The following SLC24A3 variants were observed in gnomAD, a reference collection of about 807,000 sequenced individuals.
SLC24A3 encodes solute carrier family 24 member 3, also known as sodium/potassium/calcium exchanger 3.
SLC24A3 carries 28 observed loss-of-function variants against 75.8 expected under a neutral mutation model. The ratio of observed to expected loss-of-function variants is 0.37; its 90% CI spans 0.27 to 0.51. The LOEUF (loss-of-function observed/expected upper bound fraction) is 0.51. Ranked by LOEUF, SLC24A3 falls within the 20% of genes least tolerant of loss-of-function variation. The pLI is 0.94. For synonymous variants in SLC24A3, 372 were observed against 334.1 expected (o/e 1.11, Z -1.24); for missense variants, 663 against 847.8 (o/e 0.78, Z 2.71).
intron 6 of SLC24A3, among the ~76,000 whole-genome samples, chr20:19,586,576 C>A (rs538484304): frequency 1.3e-5 from 2 of 152,292 alleles, no homozygotes; most frequent in South Asian, 4.1e-4. Context: ...GCAAGGGGCA[C>A]CCCATGCTGC....
At chr20:19,219,308 A>T (rs1330919172) in intron 1 of SLC24A3, among the ~76,000 whole-genome samples, 1 of 151,954 alleles carries the variant, frequency 6.6e-6, no homozygotes, top group Non-Finnish European at 1.5e-5. Flanking sequence ...TCCTTCATGA[A>T]GCTCTCTCAG....
At chr20:19,446,496 T>G (rs1478925487) in intron 2 of SLC24A3, among the ~76,000 whole-genome samples, 2 of 152,246 alleles carry the variant, frequency 1.3e-5, no homozygotes, top group Non-Finnish European at 2.9e-5. Context: ...GACTTTTTAA[T>G]GGAAGCAAGC....
intron 2 of SLC24A3, among the ~76,000 whole-genome samples, chr20:19,308,631 C>T (rs139571935): frequency 1.2e-4 from 18 of 152,218 alleles, no homozygotes; most frequent in East Asian, 5.8e-4. Context: ...CTTTATTGAG[C>T]GATTTTTTAT....
intron 1 of SLC24A3, among the ~76,000 whole-genome samples, chr20:19,228,496 G>A (rs181654971): frequency 1.1e-3 from 160 of 152,082 alleles, no homozygotes; most frequent in African/African-American, 3.7e-3. Flanking sequence ...AAAATTAGCC[G>A]GGCGTGGGCG....
intron 2 of SLC24A3, among the ~76,000 whole-genome samples, chr20:19,325,820 A>AGAGAGAGT: frequency 8.6e-6 from 1 of 116,230 alleles, no homozygotes; most frequent in East Asian, 2.2e-4. Flanking sequence ...AGAGAGAGAG[A>AGAGAGAGT]GAGAGAGAGA....
intron 1 of SLC24A3, among the ~76,000 whole-genome samples, chr20:19,256,490 T>C (rs1193686131): frequency 6.6e-6 from 1 of 152,158 alleles, no homozygotes; most frequent in Non-Finnish European, 1.5e-5. Context: ...TGGTACTGGC[T>C]GGGTGCAGTG....
At chr20:19,570,912 G>A (rs2031041693) in intron 3 of SLC24A3, among the ~76,000 whole-genome samples, 1 of 152,072 alleles carries the variant, frequency 6.6e-6, no homozygotes, top group African/African-American at 2.4e-5. Context: ...GGATAGAGGG[G>A]CTTATGGACC....
At chr20:19,496,706 G>T (rs1319909611) in intron 2 of SLC24A3, among the ~76,000 whole-genome samples, 1 of 152,114 alleles carries the variant, frequency 6.6e-6, no homozygotes, top group East Asian at 1.9e-4. Flanking sequence ...GTCAAGAAGG[G>T]CACGGTGTCA....
rs937378014 is a variant in SLC24A3, at chr20:19,671,138, T to C, written c.714-2463T>C. Among the ~76,000 whole-genome samples the C allele has an allele frequency of 3.3e-5, 5 of 151,194 alleles. No individual in the cohort carries two copies. The East Asian group carries it at 9.7e-4, about 29-fold the overall frequency. On this transcript the variant is annotated intron_variant, in intron 8 of 16. Coordinates refer to ENST00000328041, the MANE Select transcript of SLC24A3 (RefSeq NM_020689.4). ...GGCAGGGAAGATTGCTTGGAGGAGGTGATATTTAAAAGCTGGTATCTGCAG... is the reference window on the plus strand; with the variant it reads ...GGCAGGGAAGATTGCTTGGAGGAGGCGATATTTAAAAGCTGGTATCTGCAG...
chr20:19,570,510 C>A (rs924402370), intron 3 of SLC24A3, among the ~76,000 whole-genome samples: 1 of 152,162 alleles, frequency 6.6e-6, no homozygotes, highest in African/African-American at 2.4e-5. Context: ...ACCCAGATTG[C>A]TAAATAGATC....
At chr20:19,349,394 C>T (rs1276181590) in intron 2 of SLC24A3, among the ~76,000 whole-genome samples, 1 of 152,176 alleles carries the variant, frequency 6.6e-6, no homozygotes, top group Non-Finnish European at 1.5e-5. Context: ...TTAGGCGTTA[C>T]TACTTAGTAT....
chr20:19,682,069 A>C (rs369260291), intron 10 of SLC24A3, 78 bp downstream of exon 10: 1 of 1,480,614 alleles, frequency 6.8e-7, no homozygotes. Flanking sequence ...CCTGGCCAAC[A>C]TGGCAAATCC....
At chr20:19,581,381 A>C (rs1275340528) in intron 4 of SLC24A3, among the ~76,000 whole-genome samples, 2 of 152,210 alleles carry the variant, frequency 1.3e-5, no homozygotes, top group Non-Finnish European at 2.9e-5. Flanking sequence ...GAATATCAAA[A>C]TTATATTCTG....
intron 3 of SLC24A3, among the ~76,000 whole-genome samples, chr20:19,522,716 G>A (rs887143751): frequency 2.6e-5 from 4 of 152,066 alleles, no homozygotes; most frequent in African/African-American, 9.7e-5. Flanking sequence ...GAACGGGGTG[G>A]CGCAGGAGGC....
chr20:19,590,771 G>A (rs370285605), intron 6 of SLC24A3, among the ~76,000 whole-genome samples: 88 of 152,304 alleles, frequency 5.8e-4, no homozygotes, highest in African/African-American at 1.6e-3. Context: ...GTGGCATCAG[G>A]AGGCAGATTC....
intron 2 of SLC24A3, among the ~76,000 whole-genome samples, chr20:19,308,135 A>G (rs1416535878): frequency 6.6e-6 from 1 of 152,142 alleles, no homozygotes; most frequent in Non-Finnish European, 1.5e-5. Context: ...ATTCCCTTCA[A>G]CCTGGCCATT....
At chr20:19,359,439 C>T (rs1416899972) in intron 2 of SLC24A3, among the ~76,000 whole-genome samples, 1 of 152,178 alleles carries the variant, frequency 6.6e-6, no homozygotes, top group Non-Finnish European at 1.5e-5. Flanking sequence ...AAGAGAGCTG[C>T]CAACCCGTCA....
At chr20:19,403,528 A>G (rs1217987654) in intron 2 of SLC24A3, among the ~76,000 whole-genome samples, 1 of 152,196 alleles carries the variant, frequency 6.6e-6, no homozygotes. Flanking sequence ...CTGACCAATA[A>G]TCACATTGAT....
intron 3 of SLC24A3, among the ~76,000 whole-genome samples, chr20:19,541,671 C>T (rs781734384): frequency 7.9e-5 from 12 of 152,314 alleles, no homozygotes; most frequent in Non-Finnish European, 1.3e-4. Context: ...TTGCCATTTC[C>T]GGAATGCTCC....
Sources: allele counts gnomAD v4.1 joint callset (sites outside exome capture counted in the v4.1 genomes callset), GRCh38; gene constraint gnomAD v4.1.1; transcripts MANE v1.5; gene names NCBI Gene and HGNC (gene_info 2026-07-23, HGNC 2026-07-21).